CLPB: variants seen among roughly 807,000 people sequenced by gnomAD.
CLPB encodes the protein mitochondrial disaggregase.
In CLPB, 40 loss-of-function variants were observed where a neutral mutation model predicts 78.4. The observed-to-expected ratio is 0.51, with a 90% CI of 0.40 to 0.66. The LOEUF (loss-of-function observed/expected upper bound fraction) is 0.66, where lower values mean the gene tolerates loss of function less well. CLPB is among the 30% of genes least tolerant of loss of function. CLPB has a pLI of 0.00. For missense variants in CLPB, 780 were observed against 886.9 expected, an observed-to-expected ratio of 0.88 and a Z score of 1.53; for synonymous variants, 333 against 348.0, an observed-to-expected ratio of 0.96 and a Z score of 0.48.
At chr11:72,322,346 AG>A (rs1950059022) in intron 6 of CLPB, among the ~76,000 whole-genome samples, 1 of 152,240 alleles carries the variant, frequency 6.6e-6, no homozygotes, top group East Asian at 1.9e-4. Flanking sequence ...TGATGAGAGA[AG>A]GTTGAGGGGC....
At chr11:72,418,430 T>C (rs1440294618) in intron 2 of CLPB, among the ~76,000 whole-genome samples, 1 of 152,212 alleles carries the variant, frequency 6.6e-6, no homozygotes, top group Admixed American at 6.5e-5. Flanking sequence ...ACTTTGCAGA[T>C]GAAGAATCTA....
rs528658295 is a variant in CLPB at position 72,368,531 on chromosome 11, C to G, written c.647-9523G>C. Among the ~76,000 whole-genome samples the G allele has an allele frequency of 5.3e-5, 8 of 152,256 alleles. No homozygotes were observed. The South Asian group carries it at 1.5e-3, about 28-fold the overall frequency. Reference sequence around the variant, plus strand: ...TTCTCTTATTTATGCACATTTTACCCACACTTTACAATTCAAGCATCTTGA... The same window carrying G: ...TTCTCTTATTTATGCACATTTTACCGACACTTTACAATTCAAGCATCTTGA... On this transcript the variant is annotated intron_variant, in intron 4 of 15. Coordinates refer to ENST00000538039, the MANE Select transcript of CLPB (RefSeq NM_001258392.3).
At position 72,295,553 on chromosome 11, in the gene CLPB, G is replaced by A. The variant is rs756497518; in HGVS notation, c.1425C>T (p.His475=). Residue 475 remains histidine, a synonymous_variant, in exon 12 of 16, where the codon CAC becomes CAT. Coordinates refer to ENST00000538039, the MANE Select transcript of CLPB (RefSeq NM_001258392.3). ...AAGCTTCCTGCCTCAGCTGCAGCGCGTGCTGTGCGATCTCGTCGCTGGCCA... is the reference window on the plus strand; with the variant it reads ...AAGCTTCCTGCCTCAGCTGCAGCGCATGCTGTGCGATCTCGTCGCTGGCCA... ...SNVASDEIAQ[H]ALQLRQEALE... 98 of 1,614,234 alleles carry A rather than the reference G, an allele frequency of 6.1e-5. No individual in the cohort carries two copies. Among genetic ancestry groups the A allele is most frequent in the Admixed American group, 4.2e-4 (25 of 60,026 alleles).
chr11:72,358,473 G>T (rs920401919), intron 5 of CLPB, among the ~76,000 whole-genome samples: 8 of 152,278 alleles, frequency 5.3e-5, no homozygotes, highest in Admixed American at 5.2e-4. Flanking sequence ...GGTTAGGAGG[G>T]ATTTAAAGAG....
At chr11:72,375,990 T>C (rs1354681818) in intron 4 of CLPB, among the ~76,000 whole-genome samples, 1 of 152,122 alleles carries the variant, frequency 6.6e-6, no homozygotes, top group African/African-American at 2.4e-5. Flanking sequence ...GCCACAGAAA[T>C]ATCTATTAGA....
At chr11:72,338,578 C>A (rs1349170467) in intron 5 of CLPB, among the ~76,000 whole-genome samples, 2 of 152,224 alleles carry the variant, frequency 1.3e-5, no homozygotes, top group Admixed American at 6.5e-5. Context: ...GCCCATCACT[C>A]AGACTTTATG....
intron 13 of CLPB, 40 bp from the exon 14 acceptor site, chr11:72,294,484 C>T: frequency 6.2e-7 from 1 of 1,613,284 alleles, no homozygotes; most frequent in South Asian, 1.1e-5. Flanking sequence ...CTCAGTGACC[C>T]AGAGCGGGTT....
intron 6 of CLPB, among the ~76,000 whole-genome samples, chr11:72,329,462 G>T (rs1950183586): frequency 6.6e-6 from 1 of 152,210 alleles, no homozygotes; most frequent in Admixed American, 6.5e-5. Flanking sequence ...GAAGCCAGAA[G>T]TGGCCAAGGC....
intron 4 of CLPB, among the ~76,000 whole-genome samples, chr11:72,365,713 T>C (rs891548541): frequency 4.6e-5 from 7 of 152,130 alleles, no homozygotes; most frequent in African/African-American, 1.7e-4. Flanking sequence ...AACAGACACA[T>C]AGACCAATGG....
chr11:72,342,982 A>G (rs1403876494), intron 5 of CLPB, among the ~76,000 whole-genome samples: 1 of 152,244 alleles, frequency 6.6e-6, no homozygotes, highest in African/African-American at 2.4e-5. Context: ...GTTGTCTACG[A>G]GACCCCAACC....
rs905289493 is a variant in CLPB, at chr11:72,434,135, C to T, written c.340G>A (p.Gly114Ser). Residue 114 changes from glycine to serine, a missense_variant, in exon 1 of 16, where the codon GGC (glycine) becomes AGC (serine). Gly to Ser is a moderately conservative substitution (Grantham distance 56). Transcript: ENST00000538039. Reference sequence around the variant, plus strand: ...AGCGCTGCGGCCAGGGCGCACATGCCCAGTCCGGCCCTGCTGGGGACCCCG... The same window carrying T: ...AGCGCTGCGGCCAGGGCGCACATGCTCAGTCCGGCCCTGCTGGGGACCCCG... ...WNGVPSRAGL[G>S]MCALAAALVV... 9 of 1,612,456 alleles carry T rather than the reference C, an allele frequency of 5.6e-6. No homozygotes were observed. Among genetic ancestry groups the T allele is most frequent in the East Asian group, 4.5e-5 (2 of 44,872 alleles).
chr11:72,293,750 G>A (rs1949494915), intron 15 of CLPB, 135 bp from the exon 16 acceptor site: 1 of 1,128,994 alleles, frequency 8.9e-7, no homozygotes, highest in East Asian at 2.6e-5. Context: ...TGCCAATTGG[G>A]GCTAATAACA....
intron 4 of CLPB, among the ~76,000 whole-genome samples, chr11:72,369,909 A>G (rs1951013043): frequency 6.6e-6 from 1 of 152,066 alleles, no homozygotes; most frequent in African/African-American, 2.4e-5. Context: ...TAAAAAGATT[A>G]AAGTGTTATT....
At chr11:72,368,885 G>A (rs1375494200) in intron 4 of CLPB, among the ~76,000 whole-genome samples, 1 of 152,178 alleles carries the variant, frequency 6.6e-6, no homozygotes, top group Non-Finnish European at 1.5e-5. Flanking sequence ...CCATGGACTG[G>A]AAGTTTTCTC....
chr11:72,386,999 CA>C (rs1590879892), intron 3 of CLPB, among the ~76,000 whole-genome samples: 2 of 151,986 alleles, frequency 1.3e-5, no homozygotes, highest in South Asian at 4.2e-4. Flanking sequence ...GAAAGCACTG[CA>C]AAACAATGTC....
At chr11:72,408,176 T>A (rs1855765881) in intron 2 of CLPB, 1 of 1,535,488 alleles carries the variant, frequency 6.5e-7, no homozygotes, top group East Asian at 2.4e-5. Context: ...GCTTCTTGAC[T>A]GAGCATCATT....
intron 7 of CLPB, among the ~76,000 whole-genome samples, chr11:72,314,456 GAGC>G (rs1285085065): frequency 6.6e-6 from 1 of 152,092 alleles, no homozygotes; most frequent in African/African-American, 2.4e-5. Flanking sequence ...GGCTACTAGA[GAGC>G]AGGTGTTGCA....
chr11:72,391,665 G>C (rs1292051891), intron 3 of CLPB, among the ~76,000 whole-genome samples: 3 of 152,200 alleles, frequency 2.0e-5, no homozygotes, highest in Admixed American at 2.0e-4. Flanking sequence ...ACTAGGCTGC[G>C]GGTGGTTTAG....
chr11:72,313,723 T>C (rs999125937), intron 7 of CLPB, among the ~76,000 whole-genome samples: 9 of 152,324 alleles, frequency 5.9e-5, no homozygotes, highest in African/African-American at 2.2e-4. Context: ...TATTTCGATA[T>C]AGGCATACAA....
Sources: allele counts gnomAD v4.1 joint callset (sites outside exome capture counted in the v4.1 genomes callset), GRCh38; gene constraint gnomAD v4.1.1; transcripts MANE v1.5; gene names NCBI Gene and HGNC (gene_info 2026-07-23, HGNC 2026-07-21).